The following WDR75 variants were observed in gnomAD, a reference collection of about 807,000 sequenced individuals.
WDR75 encodes WD repeat-containing protein 75.
WDR75 carries 52 observed loss-of-function variants against 106.1 expected under a neutral mutation model. The ratio of observed to expected loss-of-function variants is 0.49; its 90% CI spans 0.39 to 0.62. The LOEUF (loss-of-function observed/expected upper bound fraction) is 0.62. WDR75 is among the 20% of genes least tolerant of loss of function. WDR75 has a pLI of 0.00. For synonymous variants in WDR75, 333 were observed against 335.5 expected (o/e 0.99, Z 0.08); for missense variants, 905 against 970.3 (o/e 0.93, Z 0.89).
chr2:189,475,291 C>T lies in WDR75; in HGVS notation c.2367C>T (p.Thr789=), dbSNP rs535803074. The change falls in exon 21 of 21, where the codon ACC becomes ACT. Residue 789 remains threonine, a synonymous_variant. Transcript: ENST00000314761. Reference sequence around the variant, plus strand: ...ATTCAGATGAAGAAAATGATTTTACCGAAAAAGTCCAGGATACAAGTAACA... The same window carrying T: ...ATTCAGATGAAGAAAATGATTTTACTGAAAAAGTCCAGGATACAAGTAACA... The part of the protein sequence containing the change: ...SEDSDEENDF[T]EKVQDTSNTG... 7.4e-6 allele frequency: 12 copies of T among 1,612,048 alleles called. No homozygotes were observed. Among genetic ancestry groups the T allele is most frequent in the South Asian group, 4.4e-5 (4 of 90,808 alleles).
intron 9 of WDR75, among the ~76,000 whole-genome samples, chr2:189,463,373 A>G (rs1241615569): frequency 6.6e-6 from 1 of 152,180 alleles, no homozygotes; most frequent in African/African-American, 2.4e-5. Context: ...CTCTGAGTTC[A>G]TTGAACTTAC....
chr2:189,460,534 T>C (rs1240359593), intron 8 of WDR75, among the ~76,000 whole-genome samples: 3 of 151,810 alleles, frequency 2.0e-5, no homozygotes, highest in South Asian at 4.2e-4. Context: ...AGACAAGGTC[T>C]CACTTTGTTA....
rs1174512625 is a variant in WDR75 at position 189,470,821 on chromosome 2, T to G, written c.1992T>G (p.Ser664Arg). Residue 664 changes from serine (S) to arginine (R), a missense_variant and splice_region_variant, in exon 18 of 21, where the codon AGT becomes AGG. Physicochemically the swap from Ser to Arg is moderately radical, Grantham distance 110. Coordinates refer to ENST00000314761, the MANE Select transcript of WDR75 (RefSeq NM_032168.3). ...CATCATTAATTCTCTCTTTTCAGAGTTTATTGACATTCAGTACAAAGTCTC... is the reference window on the plus strand; with the variant it reads ...CATCATTAATTCTCTCTTTTCAGAGGTTATTGACATTCAGTACAAAGTCTC... ...SQFYFLTKSQSLLTFSTKSPE... is the reference protein window; with the variant it reads ...SQFYFLTKSQRLLTFSTKSPE... 6.3e-7 allele frequency: 1 copy of G among 1,588,628 alleles called. No homozygotes were observed. The highest frequency in any genetic ancestry group is 8.6e-7 in the Non-Finnish European group (1 of 1,168,928).
chr2:189,448,989 T>G (rs1445396033), intron 2 of WDR75, among the ~76,000 whole-genome samples: 1 of 152,186 alleles, frequency 6.6e-6, no homozygotes, highest in Non-Finnish European at 1.5e-5. Flanking sequence ...TGCCTAGTCT[T>G]AAGACCAGTG....
chr2:189,450,095 A>C (rs1454595713), intron 2 of WDR75: 6 of 947,862 alleles, frequency 6.3e-6, no homozygotes, highest in Non-Finnish European at 7.5e-6. Context: ...ATTCTGTATA[A>C]GAGTACAGAA....
chr2:189,463,962 G>GT lies in WDR75; in HGVS notation c.1113+2dup. The stretch of plus-strand genomic sequence containing the variant: ...CCAGAGTGATAAACAGTTATACAAT[G>GT]TAAGATTTTGATCATTAGCCTTGAA... On this transcript the variant is annotated splice_donor_variant, in intron 11 of 20. Transcript: ENST00000314761. LOFTEE classifies it high-confidence loss of function. The GT allele has an allele frequency of 6.2e-7, 1 of 1,610,014 alleles. No homozygotes were observed. Among genetic ancestry groups the GT allele is most frequent in the Non-Finnish European group, 8.5e-7 (1 of 1,178,216 alleles).
intron 1 of WDR75, among the ~76,000 whole-genome samples, chr2:189,443,104 TC>T (rs1473791465): frequency 6.6e-6 from 1 of 152,242 alleles, no homozygotes; most frequent in Non-Finnish European, 1.5e-5. Flanking sequence ...TTAATATTGA[TC>T]CTGCCTTCGA....
chr2:189,465,267 G>C lies in WDR75; in HGVS notation c.1289+13G>C. ...AGAAAACACAAGGGTAATACTATCTGTGTAGCCACTTAATTTCAAAGTATA... is the reference window on the plus strand; with the variant it reads ...AGAAAACACAAGGGTAATACTATCTCTGTAGCCACTTAATTTCAAAGTATA... On this transcript the variant is annotated intron_variant, in intron 12 of 20. Coordinates refer to ENST00000314761, the MANE Select transcript of WDR75 (RefSeq NM_032168.3). 1 of 1,566,068 alleles carries C rather than the reference G, an allele frequency of 6.4e-7. No individual in the cohort carries two copies. The highest frequency in any genetic ancestry group is 1.2e-5 in the South Asian group (1 of 84,228).
chr2:189,452,519 G>A (rs556530805), intron 4 of WDR75, among the ~76,000 whole-genome samples: 11 of 149,028 alleles, frequency 7.4e-5, no homozygotes, highest in East Asian at 5.9e-4. Flanking sequence ...CTGAGATGGC[G>A]CCACTGCACT....
At chr2:189,463,069 T>A (rs1686931833) in intron 9 of WDR75, among the ~76,000 whole-genome samples, 1 of 152,164 alleles carries the variant, frequency 6.6e-6, no homozygotes, top group Admixed American at 6.5e-5. Context: ...AGAGGCAGTC[T>A]TATATTTCTC....
intron 2 of WDR75, 157 bp downstream of exon 2, chr2:189,448,665 A>G (rs1026816318): frequency 3.3e-6 from 3 of 920,946 alleles, no homozygotes; most frequent in Admixed American, 2.1e-5. Flanking sequence ...TACATTGCCT[A>G]TAGCATATTC....
At chr2:189,468,391 GA>G in intron 14 of WDR75, 83 bp from the exon 15 acceptor site, 1 of 1,268,342 alleles carries the variant, frequency 7.9e-7, no homozygotes, top group African/African-American at 1.5e-5. Context: ...GCATTACATA[GA>G]ACAGCCGCTG....
intron 19 of WDR75, 82 bp downstream of exon 19, chr2:189,474,414 T>C: frequency 6.9e-7 from 1 of 1,457,050 alleles, no homozygotes; most frequent in East Asian, 2.3e-5. Flanking sequence ...AGTCAATCTG[T>C]AATTTGTATG....
chr2:189,471,581 G>C (rs1687121293), intron 18 of WDR75, among the ~76,000 whole-genome samples: 1 of 152,166 alleles, frequency 6.6e-6, no homozygotes, highest in South Asian at 2.1e-4. Flanking sequence ...TTCTGCTCAA[G>C]TTGTGTAAGT....
intron 13 of WDR75, 52 bp downstream of exon 13, chr2:189,466,634 T>G: frequency 1.3e-6 from 2 of 1,541,428 alleles, no homozygotes; most frequent in Non-Finnish European, 1.8e-6. Context: ...TAGGAATTAA[T>G]TTCTTTTTCT....
chr2:189,454,972 C>T (rs536625348), intron 4 of WDR75, among the ~76,000 whole-genome samples: 1 of 152,204 alleles, frequency 6.6e-6, no homozygotes, highest in Non-Finnish European at 1.5e-5. Context: ...GGGCCAGGCA[C>T]AGTGCCTCAC....
chr2:189,442,853 T>C (rs1257220838), intron 1 of WDR75, among the ~76,000 whole-genome samples: 1 of 152,002 alleles, frequency 6.6e-6, no homozygotes, highest in Non-Finnish European at 1.5e-5. Context: ...CAAAAAAAAA[T>C]GAGTCCTGTG....
intron 12 of WDR75, 123 bp downstream of exon 12, chr2:189,465,377 G>A (rs1686980193): frequency 3.8e-6 from 4 of 1,049,932 alleles, no homozygotes; most frequent in Non-Finnish European, 5.3e-6. Context: ...ATATGGGAGA[G>A]GTTTTATTCT....
At chr2:189,442,965 C>G (rs1686417070) in intron 1 of WDR75, among the ~76,000 whole-genome samples, 1 of 152,136 alleles carries the variant, frequency 6.6e-6, no homozygotes, top group African/African-American at 2.4e-5. Context: ...CAGTACTGTT[C>G]TTATACCTTA....
Sources: allele counts gnomAD v4.1 joint callset (sites outside exome capture counted in the v4.1 genomes callset), GRCh38; gene constraint gnomAD v4.1.1; transcripts MANE v1.5; gene names NCBI Gene and HGNC (gene_info 2026-07-23, HGNC 2026-07-21).